GTF3C1: variants seen among roughly 807,000 people sequenced by gnomAD.
GTF3C1 encodes general transcription factor 3C polypeptide 1.
In GTF3C1, 57 loss-of-function variants were observed where a neutral mutation model predicts 226.7. The ratio of observed to expected loss-of-function variants is 0.25; its 90% confidence interval spans 0.20 to 0.31. The LOEUF (loss-of-function observed/expected upper bound fraction) is 0.31. GTF3C1 is among the 10% of genes least tolerant of loss of function. The probability of loss-of-function intolerance (pLI) is 1.00; values close to 1 mark genes in which losing one functional copy is unlikely to be tolerated. For synonymous variants in GTF3C1, 1,090 were observed against 1,084.8 expected (o/e 1.00, Z -0.09); for missense variants, 2,217 against 2,776.1 (o/e 0.80, Z 4.53).
At chr16:27,538,412 T>C in intron 2 of GTF3C1, 56 bp from the exon 3 acceptor site, 1 of 1,086,454 alleles carries the variant, frequency 9.2e-7, no homozygotes, top group African/African-American at 1.6e-5. Flanking sequence ...TTAGGAAAAC[T>C]GAGATAAGAA....
Position 27,493,304 on chromosome 16 carries a change from G to C in GTF3C1, c.2779-8C>G. 6.7e-7 allele frequency: 1 copy of C among 1,486,630 alleles called. No homozygotes were observed. Among genetic ancestry groups the C allele is most frequent in the East Asian group, 2.3e-5 (1 of 44,292 alleles). 92.1% of individuals were successfully genotyped at this position (1,486,630 alleles called of 1,614,324 possible). Reference sequence around the variant, plus strand: ...TTCCTCCAGGTTGTCCACCTGAAGAGGTGATGTGCAGGTTCAGCTCGCCCT... The same window carrying C: ...TTCCTCCAGGTTGTCCACCTGAAGACGTGATGTGCAGGTTCAGCTCGCCCT... On this transcript the variant is annotated splice_region_variant and splice_polypyrimidine_tract_variant and intron_variant, in intron 16 of 36. Coordinates refer to ENST00000356183, the MANE Select transcript of GTF3C1 (RefSeq NM_001520.4).
intron 27 of GTF3C1, among the ~76,000 whole-genome samples, chr16:27,479,527 CTT>C (rs1394702490): frequency 1.3e-5 from 2 of 152,154 alleles, no homozygotes; most frequent in African/African-American, 2.4e-5. Flanking sequence ...GAAAAAGAAA[CTT>C]TTCAGAAAAC....
chr16:27,469,426 G>A lies in GTF3C1; in HGVS notation c.4939C>T (p.Leu1647=), dbSNP rs2087832689. Residue 1647 remains leucine (L), a synonymous_variant, in exon 32 of 37, where the codon CTG becomes TTG. Coordinates refer to ENST00000356183, the MANE Select transcript of GTF3C1 (RefSeq NM_001520.4). The surrounding 1 kb of genome is among the most constrained non-coding windows in gnomAD (Gnocchi z 4.5). ...PAQASHTNYL[L]MRGYYSPGIV... is the part of the protein sequence containing the mutation. ...CCGGGGGAGTAGTAGCCCCTCATCA[G>A]CAGGTAGTTGGTGTGGGAGGCTTGC... 4.3e-6 allele frequency: 7 copies of A among 1,614,168 alleles called. No homozygotes were observed. Among genetic ancestry groups the A allele is most frequent in the Non-Finnish European group, 5.1e-6 (6 of 1,180,012 alleles).
chr16:27,491,631 G>T (rs1467441167), intron 19 of GTF3C1, among the ~76,000 whole-genome samples: 1 of 152,144 alleles, frequency 6.6e-6, no homozygotes, highest in Non-Finnish European at 1.5e-5. Context: ...TGTGGGCAGA[G>T]GCTCCCCACA....
At chr16:27,476,417 A>G (rs1409815071) in intron 29 of GTF3C1, 34 bp downstream of exon 29, 1 of 1,363,756 alleles carries the variant, frequency 7.3e-7, no homozygotes, top group East Asian at 2.3e-5. Context: ...AAGGGCCCAC[A>G]TCCCCGCTGT....
chr16:27,547,411 T>C (rs1323649309), intron 1 of GTF3C1, among the ~76,000 whole-genome samples: 2 of 152,130 alleles, frequency 1.3e-5, no homozygotes, highest in Non-Finnish European at 2.9e-5. Flanking sequence ...CACATGTCTC[T>C]TCAGCAAAGT....
chr16:27,483,858 G>A (rs994425461), intron 25 of GTF3C1, among the ~76,000 whole-genome samples: 2 of 152,166 alleles, frequency 1.3e-5, no homozygotes, highest in Non-Finnish European at 2.9e-5. Flanking sequence ...TGCTCTGAGG[G>A]CCAAAAACAG....
intron 28 of GTF3C1, among the ~76,000 whole-genome samples, chr16:27,477,530 C>T (rs1443195692): frequency 6.6e-6 from 1 of 152,224 alleles, no homozygotes; most frequent in Admixed American, 6.5e-5. Context: ...GCCTTGAACT[C>T]TTGACCTCAG....
rs776383795 is a variant in GTF3C1, at chr16:27,489,720, T to C, written c.3175A>G (p.Arg1059Gly). Residue 1059 changes from arginine (R) to glycine (G), a missense_variant, in exon 20 of 37, where the codon AGG becomes GGG. By Grantham distance (125) the Arg-to-Gly change is moderately radical (BLOSUM62 -2). Transcript: ENST00000356183. ...PLGVVRCPRV[R>G]KNSSTDQGSD... Reference sequence around the variant, plus strand: ...CCCTGGTCTGTGCTGCTGTTCTTCCTGACGCGCGGGCAGCGCACCACGCCT... The same window carrying C: ...CCCTGGTCTGTGCTGCTGTTCTTCCCGACGCGCGGGCAGCGCACCACGCCT... 2.5e-6 allele frequency: 4 copies of C among 1,611,844 alleles called. No individual in the cohort carries two copies.
intron 1 of GTF3C1, among the ~76,000 whole-genome samples, chr16:27,547,311 T>C (rs1418198879): frequency 6.6e-6 from 1 of 152,208 alleles, no homozygotes; most frequent in Non-Finnish European, 1.5e-5. Flanking sequence ...AGTCCCTCCC[T>C]CTGGCCTGCT....
At chr16:27,548,721 T>C (rs932994213) in intron 1 of GTF3C1, among the ~76,000 whole-genome samples, 1 of 152,204 alleles carries the variant, frequency 6.6e-6, no homozygotes, top group Non-Finnish European at 1.5e-5. Flanking sequence ...ACTCAGTGTC[T>C]TCCTCTGTAA....
chr16:27,469,670 A>G lies in GTF3C1; in HGVS notation c.4815-120T>C. The G allele has an allele frequency of 9.2e-7, 1 of 1,088,820 alleles. No individual in the cohort carries two copies. 67.4% of individuals were successfully genotyped at this position (1,088,820 alleles called of 1,614,324 possible). On this transcript the variant is annotated intron_variant, in intron 31 of 36. Transcript: ENST00000356183. The surrounding 1 kb of genome is among the most constrained non-coding windows in gnomAD (Gnocchi z 4.5). ...TCAGCAGTGGCCCCAGCAACTGGCT[A>G]TGCTTCATTACCAAGGCTGGTGTGG...
rs1460039295 is a variant in GTF3C1, at chr16:27,494,919, A to T, written c.2633-11T>A. The T allele has an allele frequency of 3.1e-6, 5 of 1,611,484 alleles. No individual in the cohort carries two copies. The highest frequency in any genetic ancestry group is 3.4e-6 in the Non-Finnish European group (4 of 1,178,048). On this transcript the variant is annotated splice_polypyrimidine_tract_variant and intron_variant, in intron 15 of 36. Transcript: ENST00000356183. ...CATCGTCGACATACACTAGGAAAAA[A>T]ACGCACGGTTACCCCCGGCAGCCAG...
chr16:27,487,557 G>T (rs1208736622), intron 23 of GTF3C1, among the ~76,000 whole-genome samples: 1 of 152,190 alleles, frequency 6.6e-6, no homozygotes, highest in East Asian at 1.9e-4. Context: ...TGCAACATGG[G>T]ACCAGCATGG....
rs1289217043 is a variant in GTF3C1, at chr16:27,471,123, AG to A, written c.4526+624del. On this transcript the variant is annotated intron_variant, in intron 30 of 36. Coordinates refer to ENST00000356183, the MANE Select transcript of GTF3C1 (RefSeq NM_001520.4). This position sits in a 1 kb window ranked among gnomAD's most constrained non-coding sequence, Gnocchi z 5.0. Reference sequence around the variant, plus strand: ...AAGAAGATTCATGGTGCTGTCTCTGAGCATCTGACTGCAGCCCCGTGCAGAC... The same window carrying A: ...AAGAAGATTCATGGTGCTGTCTCTGACATCTGACTGCAGCCCCGTGCAGAC... 6.6e-6 allele frequency among the ~76,000 whole-genome samples: 1 copy of A among 152,208 alleles called. No homozygotes were observed. Among genetic ancestry groups the A allele is most frequent in the Non-Finnish European group, 1.5e-5 (1 of 68,036 alleles).
At chr16:27,482,253 G>A (rs2088062789) in intron 26 of GTF3C1, among the ~76,000 whole-genome samples, 1 of 152,184 alleles carries the variant, frequency 6.6e-6, no homozygotes, top group African/African-American at 2.4e-5. Flanking sequence ...CTCCTGGAGG[G>A]GAGTGTGGCG....
chr16:27,489,320 T>A (rs140948040), intron 20 of GTF3C1, 142 bp from the exon 21 acceptor site: 17 of 886,296 alleles, frequency 1.9e-5, no homozygotes, highest in Non-Finnish European at 2.0e-5. Context: ...AATGAAGAAC[T>A]TGGGGGCCCT....
At chr16:27,543,406 A>AT (rs2141463224) in intron 2 of GTF3C1, among the ~76,000 whole-genome samples, 1 of 152,112 alleles carries the variant, frequency 6.6e-6, no homozygotes, top group African/African-American at 2.4e-5. Flanking sequence ...AAATAAATAA[A>AT]AAGAGATCGG....
rs1189522216 is a variant in GTF3C1, at chr16:27,463,502, G to A, written c.5924+39C>T. The A allele has an allele frequency of 3.3e-6, 4 of 1,227,566 alleles. No homozygotes were observed. The highest frequency in any genetic ancestry group is 4.8e-6 in the Non-Finnish European group (4 of 829,020). The allele number at this position is 1,227,566 out of a possible 1,614,324, so 76.0% of individuals were successfully genotyped here. A position where few individuals can be genotyped will look rare whatever the true frequency, so the allele number is the denominator to read the frequency against. On this transcript the variant is annotated intron_variant, in intron 35 of 36. Transcript: ENST00000356183. The surrounding 1 kb of genome is among the most constrained non-coding windows in gnomAD (Gnocchi z 4.9). Reference sequence around the variant, plus strand: ...TCCTTACACTCGGTCCCTGTCAAGAGCCCCGCCCCAGGCCCCGGAGCCAGA... The same window carrying A: ...TCCTTACACTCGGTCCCTGTCAAGAACCCCGCCCCAGGCCCCGGAGCCAGA...
Sources: allele counts gnomAD v4.1 joint callset (sites outside exome capture counted in the v4.1 genomes callset), GRCh38; gene constraint gnomAD v4.1.1; non-coding constraint Gnocchi (gnomAD v3.1); transcripts MANE v1.5; gene names NCBI Gene and HGNC (gene_info 2026-07-23, HGNC 2026-07-21).